The following ADAMTS12 variants were observed in gnomAD, a reference collection of about 807,000 sequenced individuals.
ADAMTS12 encodes ADAM metallopeptidase with thrombospondin type 1 motif 12.
ADAMTS12 carries 118 observed loss-of-function variants against 167.8 expected under a neutral mutation model. The ratio of observed to expected loss-of-function variants is 0.70; its 90% CI spans 0.61 to 0.82. ADAMTS12 has a LOEUF of 0.82. Among genes scored for constraint, ADAMTS12 ranks in the 40% least tolerant of loss-of-function variants. The pLI, the probability that ADAMTS12 is intolerant of heterozygous loss-of-function variation, is 0.00. For synonymous variants in ADAMTS12, 704 were observed against 716.9 expected, an observed-to-expected ratio of 0.98 and a Z score of 0.29; for missense variants, 1,916 against 1,998.8, an observed-to-expected ratio of 0.96 and a Z score of 0.79.
chr5:33,684,613 A>G (rs1024161165), intron 3 of ADAMTS12, among the ~76,000 whole-genome samples: 1 of 152,248 alleles, frequency 6.6e-6, no homozygotes, highest in Non-Finnish European at 1.5e-5. Flanking sequence ...CAGAGTAAAC[A>G]TGTATAAAAC....
intron 3 of ADAMTS12, among the ~76,000 whole-genome samples, chr5:33,713,318 T>C (rs1743473973): frequency 1.3e-5 from 2 of 152,160 alleles, no homozygotes; most frequent in Admixed American, 6.6e-5. Flanking sequence ...AATCAAGTTC[T>C]AGGGAGCAAA....
chr5:33,580,229 G>T lies in ADAMTS12; in HGVS notation c.2866-3069C>A, dbSNP rs570197080. Reference sequence around the variant, plus strand: ...AGAAATACCAGACAGGGAAATTTATGAAGGAAAGCAGTTTAATTGACTCAC... The same window carrying T: ...AGAAATACCAGACAGGGAAATTTATTAAGGAAAGCAGTTTAATTGACTCAC... On this transcript the variant is annotated intron_variant, in intron 18 of 23. Transcript: ENST00000504830. Among the ~76,000 whole-genome samples, 8 of 152,204 alleles carry T rather than the reference G, an allele frequency of 5.3e-5. No individual in the cohort carries two copies. In the East Asian group the frequency reaches 1.2e-3, roughly 22 times the overall value.
chr5:33,648,778 G>T, intron 9 of ADAMTS12, 44 bp downstream of exon 9: 1 of 1,609,272 alleles, frequency 6.2e-7, no homozygotes, highest in Non-Finnish European at 8.5e-7. Context: ...TCAGCATGCT[G>T]GAGATCTGAA....
chr5:33,640,974 A>G (rs1262504764), intron 11 of ADAMTS12, among the ~76,000 whole-genome samples: 2 of 151,764 alleles, frequency 1.3e-5, no homozygotes, highest in African/African-American at 4.8e-5. Context: ...AATCACTTTT[A>G]TTGCTCGCCT....
intron 5 of ADAMTS12, among the ~76,000 whole-genome samples, chr5:33,670,580 A>G (rs1227425269): frequency 2.0e-5 from 3 of 152,174 alleles, no homozygotes; most frequent in Admixed American, 6.6e-5. Flanking sequence ...CGTCCCTATC[A>G]AAAGTACAAA....
chr5:33,829,523 C>A (rs992461871), intron 2 of ADAMTS12, among the ~76,000 whole-genome samples: 2 of 152,190 alleles, frequency 1.3e-5, no homozygotes, highest in African/African-American at 4.8e-5. Flanking sequence ...GCTATGACTT[C>A]AACTTCAAAT....
At chr5:33,747,413 C>T (rs1278353888) in intron 3 of ADAMTS12, among the ~76,000 whole-genome samples, 1 of 151,954 alleles carries the variant, frequency 6.6e-6, no homozygotes, top group Admixed American at 6.6e-5. Flanking sequence ...GTGAGAATGC[C>T]AAGTACTAGA....
intron 14 of ADAMTS12, among the ~76,000 whole-genome samples, chr5:33,618,561 T>C (rs1000678382): frequency 1.3e-5 from 2 of 152,234 alleles, no homozygotes; most frequent in African/African-American, 4.8e-5. Flanking sequence ...CAATGTCTAT[T>C]TGTTTTCTGG....
intron 2 of ADAMTS12, among the ~76,000 whole-genome samples, chr5:33,802,430 C>T (rs1335026828): frequency 1.3e-5 from 2 of 152,192 alleles, no homozygotes; most frequent in East Asian, 3.8e-4. Context: ...CCCACAATGT[C>T]ACAGTAGTGG....
chr5:33,749,812 C>T (rs549809523), intron 3 of ADAMTS12, among the ~76,000 whole-genome samples: 2 of 152,240 alleles, frequency 1.3e-5, no homozygotes, highest in African/African-American at 4.8e-5. Flanking sequence ...GTTTTCATGA[C>T]TAAATATTTG....
chr5:33,703,088 C>G (rs1698837980), intron 3 of ADAMTS12, among the ~76,000 whole-genome samples: 1 of 152,198 alleles, frequency 6.6e-6, no homozygotes, highest in South Asian at 2.1e-4. Context: ...TAGCAAGTCT[C>G]TCATTTCACC....
At chr5:33,739,833 C>A (rs180880338) in intron 3 of ADAMTS12, among the ~76,000 whole-genome samples, 1 of 152,142 alleles carries the variant, frequency 6.6e-6, no homozygotes, top group East Asian at 1.9e-4. Context: ...GGCAGAAGGC[C>A]TGGGAGGAGA....
chr5:33,661,577 G>C (rs1045165704), intron 6 of ADAMTS12, among the ~76,000 whole-genome samples: 2 of 152,200 alleles, frequency 1.3e-5, no homozygotes, highest in African/African-American at 4.8e-5. Context: ...AGTAACAAGA[G>C]TCTTTAATGA....
intron 2 of ADAMTS12, among the ~76,000 whole-genome samples, chr5:33,849,592 A>ATG (rs1491120917): frequency 8.8e-5 from 6 of 68,034 alleles, no homozygotes; most frequent in African/African-American, 3.6e-4. Flanking sequence ...AGCAATACAC[A>ATG]TATGTATTGC....
intron 2 of ADAMTS12, among the ~76,000 whole-genome samples, chr5:33,774,330 T>C (rs939987548): frequency 2.0e-5 from 3 of 152,192 alleles, no homozygotes; most frequent in Admixed American, 2.0e-4. Context: ...TCTAGAGGAA[T>C]TGAAATCTGA....
chr5:33,607,236 G>A (rs1738493701), intron 16 of ADAMTS12, among the ~76,000 whole-genome samples: 1 of 152,058 alleles, frequency 6.6e-6, no homozygotes, highest in Non-Finnish European at 1.5e-5. Flanking sequence ...GCAATGCAAT[G>A]CAATGCAATG....
At chr5:33,815,744 A>G (rs1747629197) in intron 2 of ADAMTS12, among the ~76,000 whole-genome samples, 1 of 152,162 alleles carries the variant, frequency 6.6e-6, no homozygotes, top group South Asian at 2.1e-4. Flanking sequence ...CAGGAAAGGC[A>G]AGTTTTACCC....
chr5:33,739,882 T>C (rs2112369099), intron 3 of ADAMTS12, among the ~76,000 whole-genome samples: 1 of 152,240 alleles, frequency 6.6e-6, no homozygotes, highest in East Asian at 1.9e-4. Context: ...ACCAGAAAGA[T>C]GGGTCAAGAT....
intron 3 of ADAMTS12, among the ~76,000 whole-genome samples, chr5:33,713,914 G>C (rs1307973546): frequency 2.6e-5 from 4 of 152,146 alleles, no homozygotes; most frequent in Non-Finnish European, 5.9e-5. Context: ...TTCAGAGTAA[G>C]AGTCTTAAAG....
Sources: gnomAD v4.1 joint callset for allele counts (sites outside exome capture counted in the v4.1 genomes callset) on GRCh38, gnomAD v4.1.1 for gene constraint, MANE v1.5 for transcripts, NCBI Gene and HGNC (gene_info 2026-07-23, HGNC 2026-07-21) for gene names.